DDX60: variants seen among roughly 807,000 people sequenced by gnomAD.
The protein encoded by DDX60 is DExD/H-box helicase 60.
A neutral mutation model predicts 212.8 loss-of-function variants in DDX60; 165 were observed. The ratio of observed to expected loss-of-function variants is 0.78; its 90% CI spans 0.68 to 0.88. The LOEUF (loss-of-function observed/expected upper bound fraction) is 0.88, where lower values mean the gene tolerates loss of function less well. DDX60 is among the 40% of genes least tolerant of loss of function. The probability of loss-of-function intolerance (pLI) is 0.00; values close to 1 mark genes in which losing one functional copy is unlikely to be tolerated. For synonymous variants in DDX60, 703 were observed against 685.3 expected (o/e 1.03, Z -0.40); for missense variants, 1,905 against 2,003.9 (o/e 0.95, Z 0.94).
rs751865181 is a variant in DDX60 at position 168,276,115 on chromosome 4, T to A, written c.2045A>T (p.Lys682Ile). 1 of 1,613,614 alleles carries A rather than the reference T, an allele frequency of 6.2e-7. No individual in the cohort carries two copies. The change falls in exon 15 of 38, where the codon AAA (lysine) becomes ATA (isoleucine). Residue 682 changes from lysine (K) to isoleucine (I), a missense_variant. Physicochemically the swap from Lys to Ile is moderately radical, Grantham distance 102. Coordinates refer to ENST00000393743, the MANE Select transcript of DDX60 (RefSeq NM_017631.6). ...ATCTTCTTGTAAAAGTTCTGAGTATTTTTCCATCAAGGAGTGGATCCTTTT... is the reference window on the plus strand; with the variant it reads ...ATCTTCTTGTAAAAGTTCTGAGTATATTTCCATCAAGGAGTGGATCCTTTT... ...VMKRIHSLME[K>I]YSELLQEDDR...
chr4:168,280,162 T>C (rs1329112356), intron 14 of DDX60, among the ~76,000 whole-genome samples, 173 bp downstream of exon 14: 1 of 152,210 alleles, frequency 6.6e-6, no homozygotes, highest in African/African-American at 2.4e-5. Context: ...TTGTGGGTCT[T>C]AGAACATACC....
chr4:168,231,464 A>C (rs1438264387), intron 33 of DDX60, among the ~76,000 whole-genome samples: 1 of 152,076 alleles, frequency 6.6e-6, no homozygotes, highest in African/African-American at 2.4e-5. Context: ...AAAAACCCTC[A>C]ACAAAATACT....
At chr4:168,295,296 C>T (rs1012964522) in intron 6 of DDX60, among the ~76,000 whole-genome samples, 4 of 152,282 alleles carry the variant, frequency 2.6e-5, no homozygotes, top group East Asian at 3.9e-4. Context: ...AGAAGGACTT[C>T]GTACTTCTAT....
intron 34 of DDX60, among the ~76,000 whole-genome samples, chr4:168,225,126 G>T (rs1441204579): frequency 2.6e-5 from 4 of 151,988 alleles, no homozygotes; most frequent in Non-Finnish European, 5.9e-5. Flanking sequence ...GGAGTCTCTT[G>T]CTCAAGATCT....
intron 15 of DDX60, 124 bp from the exon 16 acceptor site, chr4:168,275,627 T>C (rs1735300716): frequency 1.2e-6 from 1 of 829,398 alleles, no homozygotes; most frequent in African/African-American, 1.7e-5. Flanking sequence ...TAAATTTAAA[T>C]TTTTTAAATC....
At chr4:168,252,439 T>G in intron 27 of DDX60, 70 bp downstream of exon 27, 1 of 1,564,240 alleles carries the variant, frequency 6.4e-7, no homozygotes, top group South Asian at 1.1e-5. Context: ...TATTAAGCAT[T>G]ATCTACAACT....
intron 12 of DDX60, among the ~76,000 whole-genome samples, chr4:168,283,915 G>A (rs1022812683): frequency 6.6e-6 from 1 of 152,106 alleles, no homozygotes; most frequent in Non-Finnish European, 1.5e-5. Context: ...GAAGGTAGAG[G>A]CAGAGTGAAG....
At chr4:168,284,267 C>T (rs1735722974) in intron 12 of DDX60, among the ~76,000 whole-genome samples, 1 of 152,170 alleles carries the variant, frequency 6.6e-6, no homozygotes, top group African/African-American at 2.4e-5. Flanking sequence ...AGCATACTTG[C>T]TATGCCTACT....
intron 25 of DDX60, among the ~76,000 whole-genome samples, chr4:168,257,726 A>G (rs2149509427): frequency 6.6e-6 from 1 of 152,344 alleles, no homozygotes; most frequent in South Asian, 2.1e-4. Context: ...AAACAAAACC[A>G]AAGAAAAAAT....
chr4:168,294,020 G>GTACCCACTA, intron 6 of DDX60, 75 bp from the exon 7 acceptor site: 2 of 1,351,410 alleles, frequency 1.5e-6, no homozygotes, highest in Non-Finnish European at 2.0e-6. Context: ...CTTACTAGTG[G>GTACCCACTA]GTACTACTAG....
intron 15 of DDX60, 138 bp downstream of exon 15, chr4:168,275,877 G>A (rs1441653142): frequency 2.9e-6 from 2 of 687,206 alleles, no homozygotes. Context: ...TTCAAGATTG[G>A]GCAGTTGGGT....
intron 30 of DDX60, among the ~76,000 whole-genome samples, chr4:168,241,518 T>C (rs1175722248): frequency 1.3e-5 from 2 of 152,174 alleles, no homozygotes; most frequent in Non-Finnish European, 2.9e-5. Context: ...TGTTGGGAAC[T>C]GGAGCAAAGG....
At chr4:168,297,318 G>GA (rs1259425718) in intron 6 of DDX60, among the ~76,000 whole-genome samples, 2 of 47,880 alleles carry the variant, frequency 4.2e-5, no homozygotes, top group African/African-American at 2.2e-4. Flanking sequence ...AAGAAAGAAA[G>GA]AAAGAAAGAA....
In DDX60 at chr4:168,220,558, C is replaced by T. The variant is rs1182448478; in HGVS notation, c.5039+97G>A. The T allele has an allele frequency of 1.0e-5, 7 of 687,394 alleles. No individual in the cohort carries two copies. In the Admixed American group the frequency reaches 2.2e-4, roughly 22 times the overall value. 42.6% of individuals were successfully genotyped at this position (687,394 alleles called of 1,614,324 possible). On this transcript the variant is annotated intron_variant, in intron 37 of 37. Coordinates refer to ENST00000393743, the MANE Select transcript of DDX60 (RefSeq NM_017631.6). ...ATAGCACAGAAGAAGCTTAATGGCA[C>T]CTTCATGTACCTGGCTTATAGTAAC...
upstream of DDX60, among the ~76,000 whole-genome samples, chr4:168,319,648 G>T (rs149295341): frequency 6.6e-6 from 1 of 152,102 alleles, no homozygotes; most frequent in African/African-American, 2.4e-5. Flanking sequence ...TGTGGGTTTC[G>T]ATACTCATCT....
chr4:168,257,967 T>C (rs1734481291), intron 25 of DDX60, among the ~76,000 whole-genome samples: 1 of 152,234 alleles, frequency 6.6e-6, no homozygotes, highest in Non-Finnish European at 1.5e-5. Context: ...TGGGTGGGTG[T>C]TCTTTCAAGG....
At chr4:168,230,925 A>T (rs1733428426) in intron 33 of DDX60, among the ~76,000 whole-genome samples, 1 of 152,040 alleles carries the variant, frequency 6.6e-6, no homozygotes, top group African/African-American at 2.4e-5. Flanking sequence ...TTGAAAAAAT[A>T]AACAACATTG....
At position 168,285,513 on chromosome 4, in the gene DDX60, A is replaced by G; in HGVS notation, c.1340-15T>C. 6.5e-7 allele frequency: 1 copy of G among 1,535,584 alleles called. No individual in the cohort carries two copies. ...ATTGGAGCTGTCTGTAAACAAACAA[A>G]AAAAAATTGAGACAAGGTCAAATGT... On this transcript the variant is annotated splice_polypyrimidine_tract_variant and intron_variant, in intron 10 of 37. Coordinates refer to ENST00000393743, the MANE Select transcript of DDX60 (RefSeq NM_017631.6).
chr4:168,222,200 G>A (rs573330416), intron 35 of DDX60, among the ~76,000 whole-genome samples: 84 of 152,202 alleles, frequency 5.5e-4, no homozygotes, highest in Non-Finnish European at 1.1e-3. Flanking sequence ...TTGGTGAAAG[G>A]AATTTACTTG....
Sources: gnomAD v4.1 joint callset for allele counts (sites outside exome capture counted in the v4.1 genomes callset) on GRCh38, gnomAD v4.1.1 for gene constraint, MANE v1.5 for transcripts, NCBI Gene and HGNC (gene_info 2026-07-23, HGNC 2026-07-21) for gene names.